Variants in PDF observed in about 807,000 individuals in gnomAD.
PDF encodes the protein peptide deformylase-like protein.
PDF carries 31 observed loss-of-function variants against 20.3 expected under a neutral mutation model. The observed-to-expected ratio is 1.52, with a 90% CI of 1.15 to 2.06. The LOEUF (loss-of-function observed/expected upper bound fraction) is 2.06, where lower values mean the gene tolerates loss of function less well. Ranked by LOEUF, PDF falls within the 30% of genes most tolerant of loss-of-function variation. The pLI, the probability that PDF is intolerant of heterozygous loss-of-function variation, is 0.00. For synonymous variants in PDF, 254 were observed against 172.0 expected, an observed-to-expected ratio of 1.48 and a Z score of -3.73; for missense variants, 447 against 362.5, an observed-to-expected ratio of 1.23 and a Z score of -1.89.
chr16:69,329,310 C>T (rs1452198703), intron 1 of PDF, 131 bp from the exon 2 acceptor site: 2 of 951,048 alleles, frequency 2.1e-6, no homozygotes, highest in Non-Finnish European at 2.9e-6. Flanking sequence ...ATGTAGACAG[C>T]AGCTCCTCTT....
Position 69,330,182 on chromosome 16 carries a change from G to C in PDF, c.389C>G (p.Ala130Gly), listed in dbSNP as rs894838529. The C allele has an allele frequency of 6.7e-7, 1 of 1,488,292 alleles. No homozygotes were observed. The highest frequency in any genetic ancestry group is 8.9e-7 in the Non-Finnish European group (1 of 1,125,984). The allele number at this position is 1,488,292 out of a possible 1,614,324, so 92.2% of individuals were successfully genotyped here. A position where few individuals can be genotyped will look rare whatever the true frequency, so the allele number is the denominator to read the frequency against. Reference protein sequence around the residue: ...RQVLALELPEALCRECPPRQR... With the variant: ...RQVLALELPEGLCRECPPRQR... ...GCGGGGCGGGCACTCCCGACACAGC[G>C]CCTCGGGGAGCTCCAGCGCCAGCAC... The change falls in exon 1 of 2, where the codon GCG (alanine) becomes GGG (glycine). Residue 130 changes from alanine to glycine, a missense_variant. Ala to Gly is a moderately conservative substitution (Grantham distance 60, BLOSUM62 0). Transcript: ENST00000288022.
In PDF at chr16:69,329,049, G is replaced by A. The variant is rs1465408664; in HGVS notation, c.705C>T (p.Asn235=). 1.9e-6 allele frequency: 3 copies of A among 1,610,904 alleles called. No homozygotes were observed. The highest frequency in any genetic ancestry group is 2.5e-6 in the Non-Finnish European group (3 of 1,179,072). ...IDKMDSRTFT[N]VYWMKVND The stretch of plus-strand genomic sequence containing the variant: ...AGTCATTCACCTTCATCCAATAGAC[G>A]TTTGTGAACGTCCTGCTGTCCATTT... The change falls in exon 2 of 2, where the codon AAC becomes AAT. Residue 235 remains asparagine (N), a synonymous_variant. Transcript: ENST00000288022.
At chr16:69,329,909 T>G in intron 1 of PDF, 88 bp downstream of exon 1, 2 of 1,399,098 alleles carry the variant, frequency 1.4e-6, no homozygotes, top group Middle Eastern at 2.3e-4. Context: ...GTCCGGCGTA[T>G]GAACCGCGAC....
chr16:69,330,308 C>G lies in PDF; in HGVS notation c.263G>C (p.Gly88Ala). Residue 88 changes from glycine (G) to alanine (A), a missense_variant, in exon 1 of 2, where the codon GGC becomes GCC. Gly to Ala is a moderately conservative substitution (Grantham distance 60). Transcript: ENST00000288022. ...VAAPVERAQLGGPELQRLTQR... is the reference protein window; with the variant it reads ...VAAPVERAQLAGPELQRLTQR... Reference sequence around the variant, plus strand: ...CGTCAGCCGCTGCAGCTCGGGCCCGCCTAGCTGCGCCCGCTCCACCGGGGC... The same window carrying G: ...CGTCAGCCGCTGCAGCTCGGGCCCGGCTAGCTGCGCCCGCTCCACCGGGGC... 7.0e-7 allele frequency: 1 copy of G among 1,437,760 alleles called. No homozygotes were observed. The highest frequency in any genetic ancestry group is 1.5e-5 in the African/African-American group (1 of 67,198). 89.1% of individuals were successfully genotyped at this position (1,437,760 alleles called of 1,614,324 possible). A position where few individuals can be genotyped will look rare whatever the true frequency, so the allele number is the denominator to read the frequency against.
rs1321069217 is a variant in PDF at position 69,329,913 on chromosome 16, C to T, written c.574+84G>A. ...TCCTGCGGGAGGTCCGGCGTATGAACCGCGACCACTTCTGCGCTCTCGCGG... is the reference window on the plus strand; with the variant it reads ...TCCTGCGGGAGGTCCGGCGTATGAATCGCGACCACTTCTGCGCTCTCGCGG... On this transcript the variant is annotated intron_variant, in intron 1 of 1. Coordinates refer to ENST00000288022, the MANE Select transcript of PDF (RefSeq NM_022341.2). 5.0e-6 allele frequency: 7 copies of T among 1,410,366 alleles called. No homozygotes were observed. The South Asian group carries it at 1.0e-4, about 21-fold the overall frequency. The allele number at this position is 1,410,366 out of a possible 1,614,324, so 87.4% of individuals were successfully genotyped here. A position where few individuals can be genotyped will look rare whatever the true frequency, so the allele number is the denominator to read the frequency against.
rs1183875772 is a variant in PDF, at chr16:69,328,891, G to A, written c.*131C>T. ...CTGACATCTTCCTCCAGCTCAGTCT[G>A]CCATGCCTTGGCAATCCAGTTTCCT... On this transcript the variant is annotated 3_prime_UTR_variant, in exon 2 of 2. Coordinates refer to ENST00000288022, the MANE Select transcript of PDF (RefSeq NM_022341.2). 4 of 1,195,220 alleles carry A rather than the reference G, an allele frequency of 3.3e-6. No individual in the cohort carries two copies. The highest frequency in any genetic ancestry group is 4.6e-6 in the Non-Finnish European group (4 of 861,948). 74.0% of individuals were successfully genotyped at this position (1,195,220 alleles called of 1,614,324 possible).
chr16:69,329,516 G>C (rs1451205900), intron 1 of PDF, among the ~76,000 whole-genome samples: 1 of 152,196 alleles, frequency 6.6e-6, no homozygotes, highest in African/African-American at 2.4e-5. Context: ...TCTGCAGCTT[G>C]AGACCCCACT....
rs1425587048 is a variant in PDF, at chr16:69,328,326, CCTG to C, written c.*693_*695del. ...AAGTGTATAACCAGGAAGTACTAAT[CCTG>C]CTTTCTATGCCCAATTGTTAACAGG... On this transcript the variant is annotated 3_prime_UTR_variant, in exon 2 of 2. Transcript: ENST00000288022. 1 of 152,166 alleles carries C rather than the reference CCTG, an allele frequency of 6.6e-6. No individual in the cohort carries two copies. The highest frequency in any genetic ancestry group is 1.5e-5 in the Non-Finnish European group (1 of 68,058). 9.4% of individuals were successfully genotyped at this position (152,166 alleles called of 1,614,324 possible). A position where few individuals can be genotyped will look rare whatever the true frequency, so the allele number is the denominator to read the frequency against.
rs1322614874 is a variant in PDF at position 69,327,611 on chromosome 16, G to C, written c.*1411C>G. ...TTTATAACACTTTTTCCTCTAAACA[G>C]CTTAATGGACTTCCTACTACTTGTA... On this transcript the variant is annotated 3_prime_UTR_variant, in exon 2 of 2. Transcript: ENST00000288022. The C allele has an allele frequency of 6.6e-6, 1 of 152,030 alleles. No homozygotes were observed. The highest frequency in any genetic ancestry group is 1.5e-5 in the Non-Finnish European group (1 of 68,020). 9.4% of individuals were successfully genotyped at this position (152,030 alleles called of 1,614,324 possible). A position where few individuals can be genotyped will look rare whatever the true frequency, so the allele number is the denominator to read the frequency against.
chr16:69,330,423 G>A lies in PDF; in HGVS notation c.148C>T (p.Arg50Cys). 1 of 1,476,254 alleles carries A rather than the reference G, an allele frequency of 6.8e-7. No individual in the cohort carries two copies. Among genetic ancestry groups the A allele is most frequent in the South Asian group, 1.3e-5 (1 of 78,262 alleles). 91.4% of individuals were successfully genotyped at this position (1,476,254 alleles called of 1,614,324 possible). ...CCCAGCACCAGACGCCTCAGGTGGC[G>A]CCAATAGGAGCGCCGCAGCGCCGGG... is the stretch of plus-strand genomic sequence containing the variant. ...EGPALRRSYW[R>C]HLRRLVLGPP... Residue 50 changes from arginine (R) to cysteine (C), a missense_variant, in exon 1 of 2, where the codon CGC (arginine) becomes TGC (cysteine). Arg to Cys is a radical substitution (Grantham distance 180). Coordinates refer to ENST00000288022, the MANE Select transcript of PDF (RefSeq NM_022341.2).
chr16:69,330,190 G>GAGCTCC lies in PDF; in HGVS notation c.375_380dup (p.Glu126_Leu127dup). ...GGCACTCCCGACACAGCGCCTCGGGGAGCTCCAGCGCCAGCACCTGCCGCG... is the reference window on the plus strand; with the variant it reads ...GGCACTCCCGACACAGCGCCTCGGGGAGCTCCAGCTCCAGCGCCAGCACCTGCCGCG... On this transcript the variant is annotated inframe_insertion, in exon 1 of 2. Transcript: ENST00000288022. 6.8e-7 allele frequency: 1 copy of GAGCTCC among 1,477,862 alleles called. No individual in the cohort carries two copies. The highest frequency in any genetic ancestry group is 8.9e-7 in the Non-Finnish European group (1 of 1,121,146). 91.5% of individuals were successfully genotyped at this position (1,477,862 alleles called of 1,614,324 possible).
rs1238262952 is a variant in PDF at position 69,330,242 on chromosome 16, C to T, written c.329G>A (p.Gly110Asp). 6.9e-7 allele frequency: 1 copy of T among 1,442,366 alleles called. No homozygotes were observed. 89.3% of individuals were successfully genotyped at this position (1,442,366 alleles called of 1,614,324 possible). A position where few individuals can be genotyped will look rare whatever the true frequency, so the allele number is the denominator to read the frequency against. Reference protein sequence around the residue: ...VQVMRRRRCVGLSAPQLGVPR... With the variant: ...VQVMRRRRCVDLSAPQLGVPR... ...CACCCCCAGCTGCGGCGCGCTTAGG[C>T]CCACGCAGCGCCGCCGCCGCATCAC... Residue 110 changes from glycine (G) to aspartate (D), a missense_variant, in exon 1 of 2, where the codon GGC becomes GAC. By Grantham distance (94) the Gly-to-Asp change is moderately conservative. Transcript: ENST00000288022.
At position 69,328,470 on chromosome 16, in the gene PDF, GC is replaced by G. The variant is rs1965670148; in HGVS notation, c.*551del. On this transcript the variant is annotated 3_prime_UTR_variant, in exon 2 of 2. Transcript: ENST00000288022. ...CTAGGGATCTCAGCAGCAAAATCCTGCCCAAGGCTGTTAAAATGTGTGGGCA... is the reference window on the plus strand; with the variant it reads ...CTAGGGATCTCAGCAGCAAAATCCTGCCAAGGCTGTTAAAATGTGTGGGCA... 1 of 154,168 alleles carries G rather than the reference GC, an allele frequency of 6.5e-6. No homozygotes were observed. The highest frequency in any genetic ancestry group is 6.5e-5 in the Admixed American group (1 of 15,272). 9.6% of individuals were successfully genotyped at this position (154,168 alleles called of 1,614,324 possible).
At position 69,327,527 on chromosome 16, in the gene PDF, G is replaced by A. The variant is rs545765480; in HGVS notation, c.*1495C>T. 6.6e-6 allele frequency: 1 copy of A among 151,960 alleles called. No homozygotes were observed. The highest frequency in any genetic ancestry group is 1.5e-5 in the Non-Finnish European group (1 of 67,988). The allele number at this position is 151,960 out of a possible 1,614,324, so 9.4% of individuals were successfully genotyped here. A position where few individuals can be genotyped will look rare whatever the true frequency, so the allele number is the denominator to read the frequency against. ...CCAGTTTGCTTCTGCTTGGCCTCATGGGGCCTCAGAGAAAGCCACAAAGGA... is the reference window on the plus strand; with the variant it reads ...CCAGTTTGCTTCTGCTTGGCCTCATAGGGCCTCAGAGAAAGCCACAAAGGA... On this transcript the variant is annotated 3_prime_UTR_variant, in exon 2 of 2. Coordinates refer to ENST00000288022, the MANE Select transcript of PDF (RefSeq NM_022341.2).
Position 69,327,173 on chromosome 16 carries a change from T to C in PDF, c.*1849A>G, listed in dbSNP as rs1021460975. On this transcript the variant is annotated 3_prime_UTR_variant, in exon 2 of 2. Transcript: ENST00000288022. ...GGTTGGGATTCCCTTTTTTTTTTTT[T>C]TTTTTTTTTTTTGAGACAGAGCCTT... 66 of 144,522 alleles carry C rather than the reference T, an allele frequency of 4.6e-4. No homozygotes were observed. Among genetic ancestry groups the C allele is most frequent in the African/African-American group, 1.3e-3 (51 of 38,706 alleles). 9.0% of individuals were successfully genotyped at this position (144,522 alleles called of 1,614,324 possible).
Position 69,330,198 on chromosome 16 carries a change from G to GC in PDF, c.372dup (p.Leu125AlafsTer38). The GC allele has an allele frequency of 6.8e-7, 1 of 1,461,764 alleles. No homozygotes were observed. The highest frequency in any genetic ancestry group is 2.9e-5 in the East Asian group (1 of 34,496). 90.5% of individuals were successfully genotyped at this position (1,461,764 alleles called of 1,614,324 possible). A position where few individuals can be genotyped will look rare whatever the true frequency, so the allele number is the denominator to read the frequency against. On this transcript the variant is annotated frameshift_variant, in exon 1 of 2. Transcript: ENST00000288022. LOFTEE classifies it high-confidence loss of function. ...CGACACAGCGCCTCGGGGAGCTCCA[G>GC]CGCCAGCACCTGCCGCGGCACCCCC...
intron 1 of PDF, 101 bp from the exon 2 acceptor site, chr16:69,329,280 G>A (rs1220200565): frequency 7.0e-6 from 9 of 1,281,386 alleles, no homozygotes; most frequent in African/African-American, 1.5e-5. Flanking sequence ...CCATTGACAA[G>A]AGGCAACAGC....
chr16:69,330,148 C>A lies in PDF; in HGVS notation c.423G>T (p.Ala141=). ...LCRECPPRQR[A]LRQMEPFPLR... ...GGGGGAAGGGCTCCATTTGGCGGAGCGCGCGCTGGCGGGGCGGGCACTCCC... is the reference window on the plus strand; with the variant it reads ...GGGGGAAGGGCTCCATTTGGCGGAGAGCGCGCTGGCGGGGCGGGCACTCCC... Residue 141 remains alanine, a synonymous_variant, in exon 1 of 2, where the codon GCG becomes GCT. Transcript: ENST00000288022. 1.3e-6 allele frequency: 2 copies of A among 1,549,788 alleles called. No homozygotes were observed. Among genetic ancestry groups the A allele is most frequent in the Non-Finnish European group, 1.7e-6 (2 of 1,152,220 alleles).
chr16:69,329,888 T>C, intron 1 of PDF, 109 bp downstream of exon 1: 3 of 1,315,314 alleles, frequency 2.3e-6, no homozygotes, highest in South Asian at 3.1e-5. Flanking sequence ...CCCACTTCGC[T>C]CCTGCGGGAG....
Sources: gnomAD v4.1 joint callset for allele counts (sites outside exome capture counted in the v4.1 genomes callset) on GRCh38, gnomAD v4.1.1 for gene constraint, MANE v1.5 for transcripts, NCBI Gene and HGNC (gene_info 2026-07-23, HGNC 2026-07-21) for gene names.